Variants in LDLRAD3 observed in about 807,000 individuals in gnomAD.
The protein encoded by LDLRAD3 is low-density lipoprotein receptor class A domain-containing protein 3.
LDLRAD3 carries 20 observed loss-of-function variants against 29.4 expected under a neutral mutation model. The observed-to-expected ratio is 0.68, with a 90% CI of 0.48 to 0.99. The LOEUF (loss-of-function observed/expected upper bound fraction) is 0.99. Among genes scored for constraint, LDLRAD3 ranks in the 50% least tolerant of loss-of-function variants. The pLI, the probability that LDLRAD3 is intolerant of heterozygous loss-of-function variation, is 0.00. For missense variants in LDLRAD3, 420 were observed against 454.3 expected (o/e 0.92, Z 0.69); for synonymous variants, 157 against 192.7 (o/e 0.81, Z 1.53).
intron 4 of LDLRAD3, among the ~76,000 whole-genome samples, chr11:36,216,128 C>G (rs747755556): frequency 1.3e-4 from 20 of 152,188 alleles, no homozygotes; most frequent in Non-Finnish European, 2.9e-4. Context: ...GGCCTGGGAC[C>G]TGGGCCTCAC....
At chr11:35,972,364 C>T (rs1851423937) in intron 1 of LDLRAD3, 1 of 151,784 alleles carries the variant, frequency 6.6e-6, no homozygotes, top group Non-Finnish European at 1.5e-5. Context: ...CAGTGAGAAT[C>T]TTAAAGGGGG....
chr11:36,225,385 C>T (rs1477445341), intron 4 of LDLRAD3, among the ~76,000 whole-genome samples: 1 of 152,202 alleles, frequency 6.6e-6, no homozygotes, highest in Non-Finnish European at 1.5e-5. Context: ...CTGCCTGGAC[C>T]TTACAGTGGT....
At chr11:36,038,160 C>T (rs981455894) in intron 2 of LDLRAD3, among the ~76,000 whole-genome samples, 2 of 152,076 alleles carry the variant, frequency 1.3e-5, no homozygotes, top group Admixed American at 6.6e-5. Context: ...CGCCTTCCAA[C>T]GTGCTGGGAT....
chr11:36,042,556 CTA>C (rs1225174367), intron 2 of LDLRAD3, among the ~76,000 whole-genome samples: 1 of 152,154 alleles, frequency 6.6e-6, no homozygotes, highest in Non-Finnish European at 1.5e-5. Context: ...TGGCACAACA[CTA>C]TCATTTTGGG....
chr11:36,022,519 C>G (rs537830747), intron 1 of LDLRAD3, among the ~76,000 whole-genome samples: 2 of 152,080 alleles, frequency 1.3e-5, no homozygotes, highest in African/African-American at 2.4e-5. Context: ...GCTCCAATAC[C>G]AAGATGGACA....
intron 2 of LDLRAD3, among the ~76,000 whole-genome samples, chr11:36,043,950 T>A (rs1211301730): frequency 6.6e-6 from 1 of 152,252 alleles, no homozygotes; most frequent in Non-Finnish European, 1.5e-5. Flanking sequence ...AAGACCTATG[T>A]ATATTAGCGT....
In LDLRAD3 at chr11:35,944,213, G is replaced by C. The variant is rs1565113961; in HGVS notation, c.46+69G>C. On this transcript the variant is annotated intron_variant, in intron 1 of 5. Coordinates refer to ENST00000315571, the MANE Select transcript of LDLRAD3 (RefSeq NM_174902.4). This position sits in a 1 kb window ranked among gnomAD's most constrained non-coding sequence, Gnocchi z 4.9. Reference sequence around the variant, plus strand: ...CGCGGGGCGCGGGGCGCAGCGGCCGGGTGCGATCGCGTCCTCTCCCGGGCG... The same window carrying C: ...CGCGGGGCGCGGGGCGCAGCGGCCGCGTGCGATCGCGTCCTCTCCCGGGCG... 2.2e-6 allele frequency: 2 copies of C among 903,936 alleles called. No individual in the cohort carries two copies. The highest frequency in any genetic ancestry group is 9.8e-5 in the South Asian group (2 of 20,468). 56.0% of individuals were successfully genotyped at this position (903,936 alleles called of 1,614,324 possible). A position where few individuals can be genotyped will look rare whatever the true frequency, so the allele number is the denominator to read the frequency against.
chr11:36,064,813 A>G (rs181282660), intron 2 of LDLRAD3, among the ~76,000 whole-genome samples: 62 of 152,306 alleles, frequency 4.1e-4, no homozygotes, highest in Non-Finnish European at 7.4e-4. Context: ...TAATTTCCAC[A>G]TACTTGTGAG....
chr11:36,020,245 A>G (rs1490202507), intron 1 of LDLRAD3, among the ~76,000 whole-genome samples: 1 of 152,204 alleles, frequency 6.6e-6, no homozygotes, highest in Non-Finnish European at 1.5e-5. Context: ...TAGCCTTCTC[A>G]GGAAAGAAAA....
At chr11:36,179,585 A>T (rs1854727328) in intron 4 of LDLRAD3, among the ~76,000 whole-genome samples, 2 of 152,242 alleles carry the variant, frequency 1.3e-5, no homozygotes, top group South Asian at 2.1e-4. Flanking sequence ...GGACCAAATA[A>T]AGTTGAGTTT....
intron 1 of LDLRAD3, among the ~76,000 whole-genome samples, chr11:35,990,277 G>A (rs1291903174): frequency 1.3e-5 from 2 of 152,202 alleles, no homozygotes; most frequent in Admixed American, 6.5e-5. Context: ...GGAGAGAGAA[G>A]TTTGAATCAA....
intron 4 of LDLRAD3, among the ~76,000 whole-genome samples, chr11:36,140,920 A>G (rs1038225831): frequency 6.6e-6 from 1 of 151,682 alleles, no homozygotes; most frequent in African/African-American, 2.4e-5. Flanking sequence ...GAAAGGTACT[A>G]CTAATGTGAA....
intron 1 of LDLRAD3, among the ~76,000 whole-genome samples, chr11:36,004,417 C>T (rs1040712886): frequency 6.6e-6 from 1 of 152,204 alleles, no homozygotes; most frequent in African/African-American, 2.4e-5. Context: ...GACTCCATGT[C>T]TCACATCCAG....
chr11:36,219,420 T>C (rs1855398401), intron 4 of LDLRAD3, among the ~76,000 whole-genome samples: 1 of 152,250 alleles, frequency 6.6e-6, no homozygotes, highest in East Asian at 1.9e-4. Context: ...TATAAAGCTG[T>C]AGTTAACAAC....
intron 2 of LDLRAD3, among the ~76,000 whole-genome samples, chr11:36,042,434 AAAG>A (rs2133215606): frequency 6.6e-6 from 1 of 152,238 alleles, no homozygotes; most frequent in East Asian, 1.9e-4. Context: ...GTCATTTCTC[AAAG>A]AAGGGGATGT....
chr11:36,036,599 T>G (rs1852308369), intron 2 of LDLRAD3, among the ~76,000 whole-genome samples: 1 of 152,070 alleles, frequency 6.6e-6, no homozygotes, highest in South Asian at 2.1e-4. Context: ...AACCAGCAAG[T>G]GGCACATTGG....
intron 1 of LDLRAD3, among the ~76,000 whole-genome samples, chr11:35,975,467 C>T (rs1851464035): frequency 1.3e-5 from 2 of 152,184 alleles, no homozygotes; most frequent in African/African-American, 2.4e-5. Context: ...GAAATTCTGG[C>T]AGCTGTGTTC....
At chr11:36,022,234 C>G (rs2133198478) in intron 1 of LDLRAD3, among the ~76,000 whole-genome samples, 1 of 152,280 alleles carries the variant, frequency 6.6e-6, no homozygotes, top group South Asian at 2.1e-4. Flanking sequence ...AATCATGTAA[C>G]TACATTAGAA....
intron 2 of LDLRAD3, among the ~76,000 whole-genome samples, chr11:36,060,683 G>A (rs2133233106): frequency 6.6e-6 from 1 of 152,282 alleles, no homozygotes; most frequent in African/African-American, 2.4e-5. Context: ...CTTATAAAGA[G>A]TTCACTTCTA....
Sources: allele counts gnomAD v4.1 joint callset (sites outside exome capture counted in the v4.1 genomes callset), GRCh38; gene constraint gnomAD v4.1.1; non-coding constraint Gnocchi (gnomAD v3.1); transcripts MANE v1.5; gene names NCBI Gene and HGNC (gene_info 2026-07-23, HGNC 2026-07-21).